SLC35F4: variants seen among roughly 807,000 people sequenced by gnomAD.
SLC35F4 encodes the protein solute carrier family 35 member F4.
A neutral mutation model predicts 44.2 loss-of-function variants in SLC35F4; 24 were observed. The observed-to-expected ratio is 0.54, with a 90% CI of 0.39 to 0.76. The LOEUF (loss-of-function observed/expected upper bound fraction) is 0.76. Among genes scored for constraint, SLC35F4 ranks in the 30% least tolerant of loss-of-function variants. The pLI is 0.00. For synonymous variants in SLC35F4, 238 were observed against 223.6 expected, an observed-to-expected ratio of 1.06 and a Z score of -0.57; for missense variants, 562 against 586.1, an observed-to-expected ratio of 0.96 and a Z score of 0.42.
chr14:57,762,996 C>T (rs2077159351), intron 1 of SLC35F4, among the ~76,000 whole-genome samples: 1 of 152,116 alleles, frequency 6.6e-6, no homozygotes, highest in Non-Finnish European at 1.5e-5. Flanking sequence ...TGTAGTTTTA[C>T]TGTCAAAAAG....
chr14:57,823,576 C>T (rs907106638), intron 1 of SLC35F4, among the ~76,000 whole-genome samples: 4 of 152,100 alleles, frequency 2.6e-5, no homozygotes, highest in Non-Finnish European at 5.9e-5. Flanking sequence ...GTGCCTGGTT[C>T]CTAGTTGGTG....
chr14:57,770,410 T>C (rs2077336156), intron 1 of SLC35F4, among the ~76,000 whole-genome samples: 1 of 152,236 alleles, frequency 6.6e-6, no homozygotes, highest in Non-Finnish European at 1.5e-5. Flanking sequence ...TAGTTTGTTT[T>C]GCTTTCACAG....
intron 1 of SLC35F4, among the ~76,000 whole-genome samples, chr14:57,634,522 G>C (rs995260866): frequency 3.3e-5 from 5 of 152,094 alleles, no homozygotes; most frequent in Non-Finnish European, 5.9e-5. Context: ...AGTATGGCAG[G>C]TGGCAGCAGC....
chr14:57,728,623 T>C (rs2076271646), intron 1 of SLC35F4, among the ~76,000 whole-genome samples: 1 of 151,796 alleles, frequency 6.6e-6, no homozygotes, highest in South Asian at 2.1e-4. Context: ...TTAATTTTTA[T>C]ATTTTTAGGA....
chr14:57,698,822 C>T (rs1417898086), intron 1 of SLC35F4, among the ~76,000 whole-genome samples: 3 of 151,944 alleles, frequency 2.0e-5, no homozygotes, highest in Non-Finnish European at 2.9e-5. Context: ...GAAGGGGTTT[C>T]GCCATGTTGG....
intron 4 of SLC35F4, among the ~76,000 whole-genome samples, chr14:57,575,292 A>G (rs530158220): frequency 6.1e-4 from 93 of 152,306 alleles, no homozygotes; most frequent in African/African-American, 2.1e-3. Context: ...AGCCTGGCCA[A>G]CCATGGCGAG....
intron 1 of SLC35F4, among the ~76,000 whole-genome samples, chr14:57,936,440 C>T (rs1304181143): frequency 6.6e-6 from 1 of 152,168 alleles, no homozygotes; most frequent in Non-Finnish European, 1.5e-5. Flanking sequence ...AGACTGGCAG[C>T]GCCACTGGTT....
In SLC35F4 at chr14:57,776,788, G is replaced by C. The variant is rs2077501388; in HGVS notation, c.103+88935C>G. Reference sequence around the variant, plus strand: ...AACTCTATAAGCCAGAAGAGAGTGAGGGCCTATATTCAAGATTCTTAAAGA... The same window carrying C: ...AACTCTATAAGCCAGAAGAGAGTGACGGCCTATATTCAAGATTCTTAAAGA... On this transcript the variant is annotated intron_variant, in intron 1 of 7. Transcript: ENST00000556826. Among the ~76,000 whole-genome samples, 3 of 152,122 alleles carry C rather than the reference G, an allele frequency of 2.0e-5. No individual in the cohort carries two copies. In the South Asian group the frequency reaches 6.2e-4, roughly 32 times the overall value.
chr14:57,601,861 G>A (rs757999859), intron 1 of SLC35F4, among the ~76,000 whole-genome samples: 3 of 152,266 alleles, frequency 2.0e-5, no homozygotes, highest in Non-Finnish European at 2.9e-5. Flanking sequence ...ACTTGTGGGT[G>A]TATTTTACTA....
At chr14:57,601,609 T>C (rs1192601630) in intron 1 of SLC35F4, among the ~76,000 whole-genome samples, 1 of 152,218 alleles carries the variant, frequency 6.6e-6, no homozygotes, top group Non-Finnish European at 1.5e-5. Context: ...TTATCTAAAA[T>C]CTATATCTGA....
At chr14:57,839,660 C>G (rs1015047248) in intron 1 of SLC35F4, among the ~76,000 whole-genome samples, 1 of 152,124 alleles carries the variant, frequency 6.6e-6, no homozygotes, top group East Asian at 1.9e-4. Context: ...GGCTTAATAC[C>G]TAGGTGATGG....
Position 57,685,654 on chromosome 14 carries a change from C to T in SLC35F4, c.104-91530G>A, listed in dbSNP as rs190122856. ...TCACATCACACTCTCCTTAATTGTT[C>T]AAGGGTAATTATTACAAATCCTAGT... is the stretch of plus-strand genomic sequence containing the variant. On this transcript the variant is annotated intron_variant, in intron 1 of 7. Coordinates refer to ENST00000556826, the MANE Select transcript of SLC35F4 (RefSeq NM_001306087.2). Among the ~76,000 whole-genome samples, 218 of 152,194 alleles carry T rather than the reference C, an allele frequency of 1.4e-3. 1 individual carries two copies. Among genetic ancestry groups the T allele is most frequent in the Non-Finnish European group, 2.5e-3 (168 of 68,012 alleles).
In SLC35F4 at chr14:57,622,743, G is replaced by A. The variant is rs141519152; in HGVS notation, c.104-28619C>T. Among the ~76,000 whole-genome samples, 668 of 151,790 alleles carry A rather than the reference G, an allele frequency of 4.4e-3. 20 individuals carry two copies. Among genetic ancestry groups the A allele is most frequent in the Admixed American group, 0.035 (528 of 15,214 alleles). Reference sequence around the variant, plus strand: ...TAGATGACGAGTTAGTGGGTGCAGCGCACCAGCATGGCACATGTATACATA... The same window carrying A: ...TAGATGACGAGTTAGTGGGTGCAGCACACCAGCATGGCACATGTATACATA... On this transcript the variant is annotated intron_variant, in intron 1 of 7. Transcript: ENST00000556826.
chr14:57,913,835 C>G (rs73298658), intron 1 of SLC35F4, among the ~76,000 whole-genome samples: 10,497 of 152,222 alleles, frequency 0.069, 499 homozygotes, highest in African/African-American at 0.13. Context: ...CTCTGAAGAA[C>G]TTCTTTTAAC....
At chr14:57,932,204 G>C (rs1889710718) in intron 1 of SLC35F4, among the ~76,000 whole-genome samples, 1 of 152,090 alleles carries the variant, frequency 6.6e-6, no homozygotes, top group African/African-American at 2.4e-5. Context: ...GGTTTTTGTT[G>C]TTATTTTAAG....
chr14:57,898,456 T>G (rs1595275996), intron 1 of SLC35F4, among the ~76,000 whole-genome samples: 1 of 152,204 alleles, frequency 6.6e-6, no homozygotes, highest in East Asian at 1.9e-4. Context: ...ATAACTATGT[T>G]AACCAGGAGG....
At chr14:57,976,551 T>C (rs1054646948), downstream of SLC35F4, among the ~76,000 whole-genome samples, 2 of 152,218 alleles carry the variant, frequency 1.3e-5, no homozygotes, top group South Asian at 2.1e-4. Context: ...AGAGACATCA[T>C]TGAAGACTTA....
intron 1 of SLC35F4, among the ~76,000 whole-genome samples, chr14:57,919,440 C>T (rs775848905): frequency 1.3e-5 from 2 of 152,108 alleles, no homozygotes; most frequent in Admixed American, 6.6e-5. Flanking sequence ...CATGCCAGGG[C>T]GAGTGTGAGT....
At chr14:57,754,604 A>G (rs2076955306) in intron 1 of SLC35F4, among the ~76,000 whole-genome samples, 1 of 152,172 alleles carries the variant, frequency 6.6e-6, no homozygotes, top group South Asian at 2.1e-4. Context: ...TGACCCGTGC[A>G]TGGAGCCTCC....
Sources: gnomAD v4.1 joint callset for allele counts (sites outside exome capture counted in the v4.1 genomes callset) on GRCh38, gnomAD v4.1.1 for gene constraint, MANE v1.5 for transcripts, NCBI Gene and HGNC (gene_info 2026-07-23, HGNC 2026-07-21) for gene names.